Variants in PTPRD observed in about 807,000 individuals in gnomAD.
PTPRD encodes protein tyrosine phosphatase receptor type D.
In PTPRD, 34 loss-of-function variants were observed where a neutral mutation model predicts 214.5. The observed-to-expected ratio is 0.16, with a 90% CI of 0.12 to 0.21. The LOEUF is 0.21. Ranked by LOEUF, PTPRD falls within the 10% of genes least tolerant of loss-of-function variation. The pLI is 1.00. For missense variants in PTPRD, 2,545 were observed against 2,398.7 expected, an observed-to-expected ratio of 1.06 and a Z score of -1.27; for synonymous variants, 1,128 against 845.7, an observed-to-expected ratio of 1.33 and a Z score of -5.79.
intron 10 of PTPRD, among the ~76,000 whole-genome samples, chr9:9,117,591 C>A (rs1052459569): frequency 2.0e-5 from 3 of 152,188 alleles, no homozygotes; most frequent in African/African-American, 7.2e-5. Context: ...ATCACTTTAT[C>A]TTTGTACATG....
At chr9:10,213,997 C>A (rs763314940) in intron 3 of PTPRD, among the ~76,000 whole-genome samples, 4 of 152,036 alleles carry the variant, frequency 2.6e-5, no homozygotes, top group Non-Finnish European at 4.4e-5. Flanking sequence ...CCCTTTAACC[C>A]CACAATTATC....
intron 10 of PTPRD, among the ~76,000 whole-genome samples, chr9:9,046,996 T>G (rs905118526): frequency 1.6e-4 from 24 of 152,150 alleles, no homozygotes; most frequent in African/African-American, 5.5e-4. Flanking sequence ...TTGCAGATGG[T>G]ATGATCTTAT....
At chr9:8,715,740 A>G (rs1274381236) in intron 12 of PTPRD, among the ~76,000 whole-genome samples, 1 of 152,256 alleles carries the variant, frequency 6.6e-6, no homozygotes, top group African/African-American at 2.4e-5. Flanking sequence ...TCACCTCAAT[A>G]ATCAAGCAGC....
intron 3 of PTPRD, among the ~76,000 whole-genome samples, chr9:10,065,542 A>C (rs1362914254): frequency 2.0e-5 from 3 of 151,872 alleles, no homozygotes; most frequent in Non-Finnish European, 2.9e-5. Context: ...TTTTCAGTAC[A>C]AATAAAATCA....
At chr9:10,344,422 G>A (rs1001373537) in intron 2 of PTPRD, among the ~76,000 whole-genome samples, 10 of 152,090 alleles carry the variant, frequency 6.6e-5, no homozygotes, top group Admixed American at 5.2e-4. Flanking sequence ...TGCTGTTTTG[G>A]TTACTGTAGT....
chr9:9,456,430 G>A (rs2093009686), intron 8 of PTPRD, among the ~76,000 whole-genome samples: 1 of 151,866 alleles, frequency 6.6e-6, no homozygotes, highest in Non-Finnish European at 1.5e-5. Flanking sequence ...GTTGGTAAAT[G>A]ACAGAGAGAA....
At chr9:8,458,691 G>C (rs2096285548) in intron 33 of PTPRD, among the ~76,000 whole-genome samples, 1 of 152,082 alleles carries the variant, frequency 6.6e-6, no homozygotes, top group South Asian at 2.1e-4. Context: ...GGGCAGGTGT[G>C]TACCTCATGC....
chr9:9,220,310 C>CTTTTTATT (rs144795991), intron 9 of PTPRD, among the ~76,000 whole-genome samples: 1 of 117,792 alleles, frequency 8.5e-6, no homozygotes, highest in Non-Finnish European at 1.9e-5. Flanking sequence ...CTTGCTTTTG[C>CTTTTTATT]TTTTTTTTTA....
intron 27 of PTPRD, chr9:8,486,607 T>C: frequency 1.6e-6 from 1 of 617,622 alleles, no homozygotes; most frequent in East Asian, 3.1e-5. Context: ...CTTAAGGGGA[T>C]TTTTTTGACA....
At chr9:10,325,124 A>G (rs1199850688) in intron 3 of PTPRD, among the ~76,000 whole-genome samples, 1 of 152,020 alleles carries the variant, frequency 6.6e-6, no homozygotes, top group African/African-American at 2.4e-5. Context: ...CAAGTATTCT[A>G]GAAGAGTGTT....
chr9:10,066,659 A>G (rs1489040390), intron 3 of PTPRD, among the ~76,000 whole-genome samples: 1 of 151,830 alleles, frequency 6.6e-6, no homozygotes, highest in Non-Finnish European at 1.5e-5. Context: ...AACTTCTTCA[A>G]TGCAATATGC....
chr9:10,017,756 C>A (rs2096752586), intron 4 of PTPRD, among the ~76,000 whole-genome samples: 1 of 152,040 alleles, frequency 6.6e-6, no homozygotes, highest in Admixed American at 6.6e-5. Flanking sequence ...ACCAATGACA[C>A]ATTTTCTTAT....
At chr9:10,239,414 G>C (rs2099639581) in intron 3 of PTPRD, among the ~76,000 whole-genome samples, 1 of 151,876 alleles carries the variant, frequency 6.6e-6, no homozygotes, top group Non-Finnish European at 1.5e-5. Flanking sequence ...TCCCAAGCAA[G>C]CATTAATAAA....
intron 8 of PTPRD, among the ~76,000 whole-genome samples, chr9:9,413,517 G>A (rs924848919): frequency 6.6e-6 from 1 of 152,140 alleles, no homozygotes; most frequent in Admixed American, 6.5e-5. Flanking sequence ...AATGGACTAT[G>A]CTGTCAGAAT....
At chr9:8,361,893 G>A (rs759763110) in intron 39 of PTPRD, among the ~76,000 whole-genome samples, 1 of 152,182 alleles carries the variant, frequency 6.6e-6, no homozygotes, top group Non-Finnish European at 1.5e-5. Flanking sequence ...TAACAAAGAG[G>A]ATCGTGTTCA....
At chr9:10,365,014 G>A (rs1183258543) in intron 2 of PTPRD, among the ~76,000 whole-genome samples, 2 of 152,150 alleles carry the variant, frequency 1.3e-5, no homozygotes, top group East Asian at 3.9e-4. Flanking sequence ...AGGAATCTCA[G>A]AGACATCTTA....
At chr9:10,467,539 C>T (rs73390397) in intron 2 of PTPRD, among the ~76,000 whole-genome samples, 5,428 of 152,220 alleles carry the variant, frequency 0.036, 339 homozygotes, top group African/African-American at 0.12. Context: ...ACTGCATGCA[C>T]ACAAATTTAT....
chr9:9,040,573 C>T (rs1016063991), intron 10 of PTPRD, among the ~76,000 whole-genome samples: 1 of 91,998 alleles, frequency 1.1e-5, no homozygotes, highest in East Asian at 3.6e-4. Flanking sequence ...TAACAGTTCC[C>T]GAAGAATTTT....
At chr9:9,206,815 G>A (rs2099945151) in intron 9 of PTPRD, among the ~76,000 whole-genome samples, 1 of 152,150 alleles carries the variant, frequency 6.6e-6, no homozygotes, top group African/African-American at 2.4e-5. Flanking sequence ...TACTTTTGAG[G>A]TTTTGGGATT....
Sources: allele counts gnomAD v4.1 joint callset (sites outside exome capture counted in the v4.1 genomes callset), GRCh38; gene constraint gnomAD v4.1.1; transcripts MANE v1.5; gene names NCBI Gene and HGNC (gene_info 2026-07-23, HGNC 2026-07-21).